CCNY: variants seen among roughly 807,000 people sequenced by gnomAD.
CCNY encodes the protein cyclin Y.
CCNY carries 19 observed loss-of-function variants against 42.8 expected under a neutral mutation model. The ratio of observed to expected loss-of-function variants is 0.44; its 90% CI spans 0.31 to 0.65. CCNY has a LOEUF of 0.65. Ranked by LOEUF, CCNY falls within the 30% of genes least tolerant of loss-of-function variation. The pLI is 0.07. For missense variants in CCNY, 370 were observed against 437.3 expected, an observed-to-expected ratio of 0.85 and a Z score of 1.37; for synonymous variants, 165 against 162.7, an observed-to-expected ratio of 1.01 and a Z score of -0.11.
chr10:35,502,240 A>G (rs890958317), intron 3 of CCNY, among the ~76,000 whole-genome samples: 4 of 152,210 alleles, frequency 2.6e-5, no homozygotes, highest in Non-Finnish European at 4.4e-5. Context: ...TCTTAGAAAT[A>G]TGGCCCTTTA....
chr10:35,532,980 A>C (rs1443097259), intron 7 of CCNY, among the ~76,000 whole-genome samples: 1 of 152,250 alleles, frequency 6.6e-6, no homozygotes, highest in Non-Finnish European at 1.5e-5. Flanking sequence ...CTGGAAGGAC[A>C]TCAGGCTGTA....
chr10:35,379,943 A>G (rs1301533978), intron 1 of CCNY, among the ~76,000 whole-genome samples: 1 of 152,214 alleles, frequency 6.6e-6, no homozygotes, highest in Non-Finnish European at 1.5e-5. Flanking sequence ...TTTAGTACTC[A>G]TCAGTCCCAG....
intron 1 of CCNY, among the ~76,000 whole-genome samples, chr10:35,440,748 T>A (rs929053221): frequency 1.3e-5 from 2 of 152,210 alleles, no homozygotes; most frequent in Non-Finnish European, 2.9e-5. Context: ...CAAAGTAGAA[T>A]GAAGTGTAAT....
upstream of CCNY, among the ~76,000 whole-genome samples, chr10:35,333,894 C>T (rs914522312): frequency 3.9e-5 from 6 of 151,902 alleles, no homozygotes; most frequent in Non-Finnish European, 5.9e-5. Context: ...TTGTGGGGGT[C>T]GGCACCCAGG....
intron 1 of CCNY, among the ~76,000 whole-genome samples, chr10:35,461,532 G>C (rs892793719): frequency 1.3e-5 from 2 of 152,144 alleles, no homozygotes; most frequent in African/African-American, 4.8e-5. Flanking sequence ...ACTTAGCAGG[G>C]TGCTTTGCTA....
At chr10:35,475,106 G>T (rs1028477258) in intron 1 of CCNY, among the ~76,000 whole-genome samples, 21 of 152,086 alleles carry the variant, frequency 1.4e-4, no homozygotes, top group African/African-American at 4.1e-4. Flanking sequence ...TAAAAAGAAA[G>T]GAGCAAAGCC....
At chr10:35,302,420 C>T (rs565550764) in intron 3 of CCNY, among the ~76,000 whole-genome samples, 2 of 150,850 alleles carry the variant, frequency 1.3e-5, no homozygotes, top group Non-Finnish European at 3.0e-5. Context: ...AAGTGATTCT[C>T]CTGTCTCAGC....
At chr10:35,418,215 CT>C (rs1463516018) in intron 1 of CCNY, among the ~76,000 whole-genome samples, 5 of 152,278 alleles carry the variant, frequency 3.3e-5, no homozygotes, top group African/African-American at 1.2e-4. Flanking sequence ...AAGTAGGAAA[CT>C]TTCTTCAGTG....
At chr10:35,317,851 A>T (rs1013903632) in intron 3 of CCNY, among the ~76,000 whole-genome samples, 1 of 152,112 alleles carries the variant, frequency 6.6e-6, no homozygotes, top group Non-Finnish European at 1.5e-5. Context: ...TGGGGCAAAA[A>T]CCCATCTAGA....
chr10:35,543,241 A>T (rs1841040990), intron 7 of CCNY, among the ~76,000 whole-genome samples: 1 of 152,226 alleles, frequency 6.6e-6, no homozygotes, highest in Non-Finnish European at 1.5e-5. Flanking sequence ...GACCCAGCAT[A>T]TAGTTCTACA....
chr10:35,535,645 G>A lies in CCNY; in HGVS notation c.579+5402G>A, dbSNP rs114640393. Among the ~76,000 whole-genome samples the A allele has an allele frequency of 6.8e-3, 1,033 of 152,242 alleles. 11 individuals are homozygous for A. Among genetic ancestry groups the A allele is most frequent in the African/African-American group, 0.024 (987 of 41,540 alleles). ...AACTGTAAAATGAAAATGTGGTTAG[G>A]CCTGTGATGGTTGCATCTGTGCTGA... On this transcript the variant is annotated intron_variant, in intron 7 of 9. Transcript: ENST00000374704.
chr10:35,334,703 A>G (rs1564371390), upstream of CCNY, among the ~76,000 whole-genome samples: 14 of 152,350 alleles, frequency 9.2e-5, no homozygotes, highest in South Asian at 2.9e-3. Context: ...AAATAGCATT[A>G]ATACAGTTGA....
At chr10:35,532,749 C>T (rs1396431591) in intron 7 of CCNY, among the ~76,000 whole-genome samples, 2 of 152,216 alleles carry the variant, frequency 1.3e-5, no homozygotes, top group African/African-American at 4.8e-5. Flanking sequence ...TGCCCCTCCA[C>T]GAGGCCCTTC....
chr10:35,469,618 A>G (rs1386594271), intron 1 of CCNY, among the ~76,000 whole-genome samples: 2 of 151,586 alleles, frequency 1.3e-5, no homozygotes, highest in Non-Finnish European at 2.9e-5. Flanking sequence ...GTGGAGAGAC[A>G]GATAGACAGG....
chr10:35,467,647 C>G (rs910195581), intron 1 of CCNY, among the ~76,000 whole-genome samples: 1 of 152,116 alleles, frequency 6.6e-6, no homozygotes, highest in Non-Finnish European at 1.5e-5. Flanking sequence ...TTGTATGTTA[C>G]GTTTACTTGT....
intron 1 of CCNY, among the ~76,000 whole-genome samples, chr10:35,481,214 A>G (rs1839661243): frequency 6.6e-6 from 1 of 152,218 alleles, no homozygotes; most frequent in African/African-American, 2.4e-5. Context: ...CACCATCCAA[A>G]TGATAGTACT....
chr10:35,269,943 A>G (rs1177414081), intron 3 of CCNY, among the ~76,000 whole-genome samples: 1 of 152,126 alleles, frequency 6.6e-6, no homozygotes, highest in African/African-American at 2.4e-5. Context: ...TCTGCCTTCT[A>G]CAAAGTACTA....
At chr10:35,529,080 C>T (rs763035331) in intron 5 of CCNY, among the ~76,000 whole-genome samples, 4 of 152,230 alleles carry the variant, frequency 2.6e-5, no homozygotes, top group Non-Finnish European at 5.9e-5. Flanking sequence ...GCCCACGGTA[C>T]TGTGTTCACA....
At chr10:35,309,316 C>A (rs986192613) in intron 3 of CCNY, among the ~76,000 whole-genome samples, 1 of 152,196 alleles carries the variant, frequency 6.6e-6, no homozygotes, top group African/African-American at 2.4e-5. Context: ...GAAGCACACT[C>A]GGACTCAGTG....
Sources: allele counts gnomAD v4.1 joint callset (sites outside exome capture counted in the v4.1 genomes callset), GRCh38; gene constraint gnomAD v4.1.1; transcripts MANE v1.5; gene names NCBI Gene and HGNC (gene_info 2026-07-23, HGNC 2026-07-21).